The following SLFN13 variants were observed in gnomAD, a reference collection of about 807,000 sequenced individuals.
The protein encoded by SLFN13 is schlafen family member 13.
Under a neutral mutation model 50.6 loss-of-function variants are expected in SLFN13, and 43 were observed. That is an observed-to-expected ratio of 0.85 (90% CI 0.67 to 1.09). The LOEUF (loss-of-function observed/expected upper bound fraction) is 1.09. Ranked by LOEUF, SLFN13 falls within the 50% of genes least tolerant of loss-of-function variation. The pLI, the probability that SLFN13 is intolerant of heterozygous loss-of-function variation, is 0.00. For missense variants in SLFN13, 881 were observed against 1,071.1 expected (o/e 0.82, Z 2.48); for synonymous variants, 339 against 386.5 (o/e 0.88, Z 1.44).
In SLFN13 at chr17:35,441,062, GT is replaced by G. The variant is rs756951109; in HGVS notation, c.2226del (p.Gln742HisfsTer6). ...TTTTCTATAATTAGTTGCATTTCTT[GT>G]TGTATGTACTCGGCTATTTCATCTG... ...RNADEIAEYI[Q>X]QEMQLIIENP... On this transcript the variant is annotated frameshift_variant, in exon 6 of 6. Coordinates refer to ENST00000285013, the MANE Select transcript of SLFN13 (RefSeq NM_144682.6). LOFTEE classifies it low-confidence loss of function (END_TRUNC). The G allele has an allele frequency of 3.1e-6, 5 of 1,613,794 alleles. No homozygotes were observed. The South Asian group carries it at 4.4e-5, about 14-fold the overall frequency.
rs78100054 is a variant in SLFN13, at chr17:35,447,663, G to A, written c.-160-249C>T. Among the ~76,000 whole-genome samples, 1,183 of 152,268 alleles carry A rather than the reference G, an allele frequency of 7.8e-3. 60 individuals carry two copies. The East Asian group carries it at 0.13, about 16-fold the overall frequency. On this transcript the variant is annotated intron_variant, in intron 1 of 5. Transcript: ENST00000285013. ...GAGGAAAACTGGTGGGGACTGGCTA[G>A]TCTCAGGCAGAAACAGAAGGAAACA...
chr17:35,449,061 C>G (rs1198247626), upstream of SLFN13, among the ~76,000 whole-genome samples: 1 of 151,678 alleles, frequency 6.6e-6, no homozygotes, highest in East Asian at 1.9e-4. Context: ...ACAACAACAA[C>G]AACAACAACA....
chr17:35,449,434 T>A (rs1400628380), upstream of SLFN13, among the ~76,000 whole-genome samples: 1 of 151,944 alleles, frequency 6.6e-6, no homozygotes. Context: ...AGCTTTCCCC[T>A]TCCACCGCAC....
At chr17:35,442,432 G>C in intron 4 of SLFN13, 146 bp from the exon 5 acceptor site, 2 of 991,550 alleles carry the variant, frequency 2.0e-6, no homozygotes, top group Non-Finnish European at 2.8e-6. Context: ...CTGGTTTTTT[G>C]TTTGTTTGTT....
At position 35,440,875 on chromosome 17, in the gene SLFN13, G is replaced by C. The variant is rs374453179; in HGVS notation, c.2414C>G (p.Ser805Cys). Reference protein sequence around the residue: ...TCRCFFERGYSPKDVAVLVST... With the variant: ...TCRCFFERGYCPKDVAVLVST... ...GACAAGCACAGCAACATCCTTTGGA[G>C]AATAGCCCCTTTCAAAGAAGCACCT... Residue 805 changes from serine to cysteine, a missense_variant, in exon 6 of 6, where the codon TCT (serine) becomes TGT (cysteine). This residue lies in a region of SLFN13 where 322 missense variants were observed against 327.4 expected (regional missense o/e 0.98). Coordinates refer to ENST00000285013, the MANE Select transcript of SLFN13 (RefSeq NM_144682.6). 5 of 1,614,132 alleles carry C rather than the reference G, an allele frequency of 3.1e-6. No individual in the cohort carries two copies. The highest frequency in any genetic ancestry group is 3.3e-5 in the Admixed American group (2 of 60,030).
At chr17:35,443,678 T>A in intron 4 of SLFN13, 111 bp downstream of exon 4, 1 of 1,156,788 alleles carries the variant, frequency 8.6e-7, no homozygotes, top group Non-Finnish European at 1.2e-6. Context: ...CTTGTGGCAT[T>A]GTCACTGTGT....
chr17:35,442,139 A>G lies in SLFN13; in HGVS notation c.1346T>C (p.Leu449Pro), dbSNP rs777055400. Reference sequence around the variant, plus strand: ...GACTCCTGGCTTCTCCTGCAAGTTCAGGTCCACAGCCCAGCTTCTAGAGAG... The same window carrying G: ...GACTCCTGGCTTCTCCTGCAAGTTCGGGTCCACAGCCCAGCTTCTAGAGAG... ...VILSRSWAVD[L>P]NLQEKPGVIC... Residue 449 changes from leucine (L) to proline (P), a missense_variant, in exon 5 of 6, where the codon CTG becomes CCG. Around this residue, in one of 5 missense-constraint regions of SLFN13, gnomAD observed 15 missense variants for 29.0 expected, o/e 0.52. Transcript: ENST00000285013. The G allele has an allele frequency of 6.2e-7, 1 of 1,614,226 alleles. No homozygotes were observed. The highest frequency in any genetic ancestry group is 1.1e-5 in the South Asian group (1 of 91,086).
rs1389466304 is a variant in SLFN13 at position 35,444,700 on chromosome 17, A to T, written c.981T>A (p.Ala327=). The T allele has an allele frequency of 1.2e-6, 2 of 1,614,064 alleles. No homozygotes were observed. The highest frequency in any genetic ancestry group is 3.3e-5 in the Admixed American group (2 of 59,996). The change falls in exon 3 of 6, where the codon GCT becomes GCA. Residue 327 remains alanine, a synonymous_variant. Coordinates refer to ENST00000285013, the MANE Select transcript of SLFN13 (RefSeq NM_144682.6). ...TCTCCCTCACCATCCATGACTTGGG[A>T]GCTTCCGAGAACACCACACAACAGA... The part of the protein sequence containing the change: ...KAFCCVVFSE[A]PKSWMVREKY...
chr17:35,442,588 C>T (rs752826693), intron 4 of SLFN13, among the ~76,000 whole-genome samples: 4 of 152,186 alleles, frequency 2.6e-5, no homozygotes, highest in Non-Finnish European at 5.9e-5. Flanking sequence ...GGACTACAGG[C>T]TCCTGCCACC....
Position 35,445,535 on chromosome 17 carries a change from G to GC in SLFN13, c.145dup (p.Ala49GlyfsTer22), listed in dbSNP as rs1193714210. On this transcript the variant is annotated frameshift_variant, in exon 3 of 6. Coordinates refer to ENST00000285013, the MANE Select transcript of SLFN13 (RefSeq NM_144682.6). LOFTEE classifies it high-confidence loss of function. ...TCCTGAGTTTAATAAAGCACACGCG[G>GC]CCCGTATAACTCTCGCCCTCTCTTG... 2 of 1,614,076 alleles carry GC rather than the reference G, an allele frequency of 1.2e-6. No individual in the cohort carries two copies. Among genetic ancestry groups the GC allele is most frequent in the South Asian group, 2.2e-5 (2 of 91,072 alleles).
rs1913167040 is a variant in SLFN13, at chr17:35,445,526, G to C, written c.155C>G (p.Ala52Gly). ...CACTCCTCCTCCTGAGTTTAATAAAGCACACGCGGCCCGTATAACTCTCGC... is the reference window on the plus strand; with the variant it reads ...CACTCCTCCTCCTGAGTTTAATAAACCACACGCGGCCCGTATAACTCTCGC... ...ERARVIRAAC[A>G]LLNSGGGVIQ... Residue 52 changes from alanine to glycine, a missense_variant, in exon 3 of 6, where the codon GCT (alanine) becomes GGT (glycine). Transcript: ENST00000285013. 1 of 1,614,108 alleles carries C rather than the reference G, an allele frequency of 6.2e-7. No homozygotes were observed.
At position 35,440,882 on chromosome 17, in the gene SLFN13, C is replaced by T. The variant is rs1377995633; in HGVS notation, c.2407G>A (p.Gly803Ser). Residue 803 changes from glycine to serine, a missense_variant, in exon 6 of 6, where the codon GGC becomes AGC. Gly to Ser is a moderately conservative substitution (Grantham distance 56). Coordinates refer to ENST00000285013, the MANE Select transcript of SLFN13 (RefSeq NM_144682.6). ...ADTCRCFFER[G>S]YSPKDVAVLV... is the part of the protein sequence containing the mutation. The stretch of plus-strand genomic sequence containing the variant: ...ACAGCAACATCCTTTGGAGAATAGC[C>T]CCTTTCAAAGAAGCACCTGCAGGTG... 2 of 1,614,072 alleles carry T rather than the reference C, an allele frequency of 1.2e-6. No homozygotes were observed. Among genetic ancestry groups the T allele is most frequent in the African/African-American group, 1.3e-5 (1 of 75,050 alleles).
intron 2 of SLFN13, among the ~76,000 whole-genome samples, chr17:35,446,425 G>A (rs1330749959): frequency 6.6e-6 from 1 of 152,134 alleles, no homozygotes; most frequent in Non-Finnish European, 1.5e-5. Flanking sequence ...CAGGGGCTAA[G>A]GTCTTGGAGA....
chr17:35,445,268 G>T lies in SLFN13; in HGVS notation c.413C>A (p.Ser138Tyr). 6.2e-7 allele frequency: 1 copy of T among 1,613,988 alleles called. No homozygotes were observed. The highest frequency in any genetic ancestry group is 1.3e-5 in the African/African-American group (1 of 75,050). Reference protein sequence around the residue: ...CSLSSSLYCRSGTSVLHMNSR... With the variant: ...CSLSSSLYCRYGTSVLHMNSR... Reference sequence around the variant, plus strand: ...ATTCATGTGAAGCACAGAGGTGCCAGATCTACAGTATAATGAAGAACTAAG... The same window carrying T: ...ATTCATGTGAAGCACAGAGGTGCCATATCTACAGTATAATGAAGAACTAAG... Residue 138 changes from serine to tyrosine, a missense_variant, in exon 3 of 6, where the codon TCT (serine) becomes TAT (tyrosine). Transcript: ENST00000285013.
chr17:35,438,237 C>A lies in SLFN13; in HGVS notation c.*2358G>T, dbSNP rs1270502073. The A allele has an allele frequency of 6.6e-6, 1 of 151,810 alleles. No homozygotes were observed. The highest frequency in any genetic ancestry group is 1.5e-5 in the Non-Finnish European group (1 of 67,978). 9.4% of individuals were successfully genotyped at this position (151,810 alleles called of 1,614,324 possible). Reference sequence around the variant, plus strand: ...CCATTTAATCATTTATTTTACAGAACCTTTTTTTTCAGTTTAATGAAACAC... The same window carrying A: ...CCATTTAATCATTTATTTTACAGAAACTTTTTTTTCAGTTTAATGAAACAC... On this transcript the variant is annotated 3_prime_UTR_variant, in exon 6 of 6. Coordinates refer to ENST00000285013, the MANE Select transcript of SLFN13 (RefSeq NM_144682.6).
At chr17:35,443,572 T>G (rs961934468) in intron 4 of SLFN13, among the ~76,000 whole-genome samples, 4 of 152,210 alleles carry the variant, frequency 2.6e-5, no homozygotes, top group African/African-American at 9.6e-5. Context: ...ATCTGCATGT[T>G]TAACTACCTT....
In SLFN13 at chr17:35,440,936, A is replaced by C. The variant is rs769176146; in HGVS notation, c.2353T>G (p.Leu785Val). 13 of 1,613,756 alleles carry C rather than the reference A, an allele frequency of 8.1e-6. No individual in the cohort carries two copies. The highest frequency in any genetic ancestry group is 1.0e-5 in the Non-Finnish European group (12 of 1,180,016). ...GNTKIIKNFT[L>V]EQIVTYVADT... ...GCCACATAGGTCACTATTTGCTCCA[A>C]AGTAAAGTTTTTAATAATCTTTGTG... The change falls in exon 6 of 6, where the codon TTG becomes GTG. Residue 785 changes from leucine to valine, a missense_variant. Leu to Val is a conservative substitution (Grantham distance 32). Transcript: ENST00000285013.
rs1350275067 is a variant in SLFN13 at position 35,440,407 on chromosome 17, G to T, written c.*188C>A. 2.9e-6 allele frequency: 2 copies of T among 684,834 alleles called. No homozygotes were observed. Among genetic ancestry groups the T allele is most frequent in the Admixed American group, 5.9e-5 (2 of 34,148 alleles). The allele number at this position is 684,834 out of a possible 1,614,324, so 42.4% of individuals were successfully genotyped here. On this transcript the variant is annotated 3_prime_UTR_variant, in exon 6 of 6. Transcript: ENST00000285013. ...AGAATGGGGGGCAGCCACCACTGCT[G>T]AAAAGAGTTGGGGGAGGAACCCCTG... is the stretch of plus-strand genomic sequence containing the variant.
At position 35,436,638 on chromosome 17, in the gene SLFN13, G is replaced by A. The variant is rs928187510; in HGVS notation, c.*3957C>T. 6.6e-6 allele frequency: 1 copy of A among 152,148 alleles called. No individual in the cohort carries two copies. Among genetic ancestry groups the A allele is most frequent in the East Asian group, 1.9e-4 (1 of 5,200 alleles). 9.4% of individuals were successfully genotyped at this position (152,148 alleles called of 1,614,324 possible). A position where few individuals can be genotyped will look rare whatever the true frequency, so the allele number is the denominator to read the frequency against. ...CAAGTGCCTTCTAATACCGTGAACTGAGAACCGTAACAGCCCTTCTATGGA... is the reference window on the plus strand; with the variant it reads ...CAAGTGCCTTCTAATACCGTGAACTAAGAACCGTAACAGCCCTTCTATGGA... On this transcript the variant is annotated 3_prime_UTR_variant, in exon 6 of 6. Coordinates refer to ENST00000285013, the MANE Select transcript of SLFN13 (RefSeq NM_144682.6).
Sources: gnomAD v4.1 joint callset for allele counts (sites outside exome capture counted in the v4.1 genomes callset) on GRCh38, gnomAD v4.1.1 for gene constraint, gnomAD v4.1.1 regional missense constraint, MANE v1.5 for transcripts, NCBI Gene and HGNC (gene_info 2026-07-23, HGNC 2026-07-21) for gene names.